FAM168A: variants seen among roughly 807,000 people sequenced by gnomAD.
FAM168A encodes family with sequence similarity 168 member A.
In FAM168A, 3 loss-of-function variants were observed where a neutral mutation model predicts 28.5. The observed-to-expected ratio is 0.11, with a 90% confidence interval of 0.05 to 0.27. The LOEUF (loss-of-function observed/expected upper bound fraction) is 0.27. Among genes scored for constraint, FAM168A ranks in the 10% least tolerant of loss-of-function variants. The pLI, the probability that FAM168A is intolerant of heterozygous loss-of-function variation, is 1.00. For synonymous variants in FAM168A, 122 were observed against 124.2 expected (o/e 0.98, Z 0.12); for missense variants, 222 against 311.5 (o/e 0.71, Z 2.16).
chr11:73,560,834 G>A (rs529416297), intron 1 of FAM168A, among the ~76,000 whole-genome samples: 9 of 150,756 alleles, frequency 6.0e-5, no homozygotes, highest in African/African-American at 9.7e-5. Flanking sequence ...AGGCCAAGGC[G>A]GGCACATAGC....
At chr11:73,488,531 G>A (rs1291726761) in intron 1 of FAM168A, among the ~76,000 whole-genome samples, 1 of 152,118 alleles carries the variant, frequency 6.6e-6, no homozygotes, top group African/African-American at 2.4e-5. Flanking sequence ...CTCTCAACTA[G>A]TGATTTTGCT....
chr11:73,426,565 CT>C (rs1866887419), intron 3 of FAM168A, among the ~76,000 whole-genome samples: 1 of 152,204 alleles, frequency 6.6e-6, no homozygotes, highest in Non-Finnish European at 1.5e-5. Context: ...CTACACTGTC[CT>C]TTCTGACCTT....
chr11:73,431,757 T>A (rs1398264370), intron 2 of FAM168A, among the ~76,000 whole-genome samples: 2 of 143,478 alleles, frequency 1.4e-5, no homozygotes, highest in Admixed American at 6.7e-5. Flanking sequence ...TTTTTTGAAA[T>A]TTTTTTTATC....
At chr11:73,480,396 CTTTT>C (rs909001692) in intron 1 of FAM168A, among the ~76,000 whole-genome samples, 4 of 129,614 alleles carry the variant, frequency 3.1e-5, no homozygotes, top group African/African-American at 1.1e-4. Flanking sequence ...CTCTCTCTCT[CTTTT>C]TTTTTTTAAG....
intron 2 of FAM168A, among the ~76,000 whole-genome samples, chr11:73,467,627 G>C (rs116313198): frequency 0.011 from 1,630 of 152,202 alleles, 33 homozygotes; most frequent in African/African-American, 0.038. Flanking sequence ...TAGTAAGAAC[G>C]AAGGCAGCCA....
chr11:73,429,572 A>T (rs1866948132), intron 3 of FAM168A, among the ~76,000 whole-genome samples: 4 of 152,114 alleles, frequency 2.6e-5, no homozygotes, highest in Admixed American at 2.6e-4. Flanking sequence ...CACATCTCTA[A>T]GCCTCTGCCC....
intron 2 of FAM168A, among the ~76,000 whole-genome samples, chr11:73,439,249 T>C (rs985006615): frequency 1.3e-5 from 2 of 152,158 alleles, no homozygotes; most frequent in African/African-American, 4.8e-5. Flanking sequence ...GTGTGAACTA[T>C]AATAAATGAG....
At position 73,404,189 on chromosome 11, in the gene FAM168A, CCTAGGT is replaced by C. The variant is rs1243002861; in HGVS notation, c.*2568_*2573del. 6.6e-6 allele frequency: 1 copy of C among 152,248 alleles called. No individual in the cohort carries two copies. The highest frequency in any genetic ancestry group is 1.5e-5 in the Non-Finnish European group (1 of 68,056). The allele number at this position is 152,248 out of a possible 1,614,324, so 9.4% of individuals were successfully genotyped here. A position where few individuals can be genotyped will look rare whatever the true frequency, so the allele number is the denominator to read the frequency against. On this transcript the variant is annotated 3_prime_UTR_variant, in exon 8 of 8. Transcript: ENST00000356467. ...AAAGAACAAAAGTTACAAGGTCATTCCTAGGTCTCCTCTTCTTCCTTTCTCCTCTCT... is the reference window on the plus strand; with the variant it reads ...AAAGAACAAAAGTTACAAGGTCATTCCTCCTCTTCTTCCTTTCTCCTCTCT...
At chr11:73,408,291 C>G (rs912387813) in intron 6 of FAM168A, among the ~76,000 whole-genome samples, 2 of 152,190 alleles carry the variant, frequency 1.3e-5, no homozygotes, top group Admixed American at 1.3e-4. Context: ...GTGTTCTGAT[C>G]TGATCTATTG....
At chr11:73,516,870 C>T (rs7126544) in intron 1 of FAM168A, among the ~76,000 whole-genome samples, 8,530 of 152,124 alleles carry the variant, frequency 0.056, 837 homozygotes, top group African/African-American at 0.2. Context: ...TTTCTATGTG[C>T]CTGCTCAATC....
chr11:73,535,420 T>C (rs1429821807), intron 1 of FAM168A, among the ~76,000 whole-genome samples: 1 of 91,386 alleles, frequency 1.1e-5, no homozygotes, highest in Non-Finnish European at 1.9e-5. Context: ...CTTTCTTTCT[T>C]TTTTTTTTTT....
chr11:73,520,295 G>T (rs201620099), intron 1 of FAM168A, among the ~76,000 whole-genome samples: 3 of 151,784 alleles, frequency 2.0e-5, no homozygotes, highest in African/African-American at 7.3e-5. Context: ...TGATCCACCC[G>T]CCTCAGCCTC....
intron 1 of FAM168A, among the ~76,000 whole-genome samples, chr11:73,504,570 T>C (rs568336114): frequency 2.0e-5 from 3 of 152,332 alleles, no homozygotes; most frequent in Admixed American, 6.5e-5. Flanking sequence ...GTAAATTAGT[T>C]CAACCATCGT....
intron 1 of FAM168A, among the ~76,000 whole-genome samples, chr11:73,475,868 C>T (rs1292171798): frequency 6.6e-6 from 1 of 152,110 alleles, no homozygotes; most frequent in African/African-American, 2.4e-5. Context: ...AAATCCAATG[C>T]CCAGAGTCAT....
At position 73,407,607 on chromosome 11, in the gene FAM168A, C is replaced by G; in HGVS notation, c.632G>C (p.Gly211Ala). ...TGTTGGCATGGAGACAGGGTGTGCC[C>G]CAATCGCCGTGTGCTGGGGTGTAGT... ...LLTTPQHTAI[G>A]AHPVSMPTYR... Residue 211 changes from glycine to alanine, a missense_variant, in exon 7 of 8, where the codon GGG (glycine) becomes GCG (alanine). By Grantham distance (60) the Gly-to-Ala change is moderately conservative (BLOSUM62 0). This residue lies in a region of FAM168A where 64 missense variants were observed against 94.6 expected (regional missense o/e 0.68). Coordinates refer to ENST00000356467, the MANE Select transcript of FAM168A (RefSeq NM_015159.3). 6.2e-7 allele frequency: 1 copy of G among 1,610,614 alleles called. No individual in the cohort carries two copies. Among genetic ancestry groups the G allele is most frequent in the South Asian group, 1.1e-5 (1 of 90,606 alleles).
Position 73,461,488 on chromosome 11 carries a change from G to A in FAM168A, c.70+6917C>T, listed in dbSNP as rs188907875. Among the ~76,000 whole-genome samples the A allele has an allele frequency of 2.7e-3, 409 of 152,262 alleles. 3 individuals carry two copies. Among genetic ancestry groups the A allele is most frequent in the African/African-American group, 9.4e-3 (392 of 41,536 alleles). On this transcript the variant is annotated intron_variant, in intron 2 of 7. Transcript: ENST00000356467. ...GGTTTCTCATCTAAGAACAGGGTTG[G>A]ATTTGATGGTCTCTAATCATCTTAT...
intron 4 of FAM168A, 60 bp from the exon 5 acceptor site, chr11:73,411,596 C>T (rs1866612094): frequency 6.3e-7 from 1 of 1,576,878 alleles, no homozygotes; most frequent in Non-Finnish European, 8.7e-7. Flanking sequence ...TGCTAGAAGG[C>T]AGCAGGTCCC....
chr11:73,503,256 C>T (rs766115050), intron 1 of FAM168A, among the ~76,000 whole-genome samples: 1 of 152,148 alleles, frequency 6.6e-6, no homozygotes, highest in African/African-American at 2.4e-5. Context: ...AAAACCCCAT[C>T]ATCTCAGCCC....
At chr11:73,566,451 A>G (rs1297139549) in intron 1 of FAM168A, among the ~76,000 whole-genome samples, 1 of 152,220 alleles carries the variant, frequency 6.6e-6, no homozygotes, top group Non-Finnish European at 1.5e-5. Flanking sequence ...CAATGGTTTT[A>G]GCAGCACCTA....
Sources: gnomAD v4.1 joint callset for allele counts (sites outside exome capture counted in the v4.1 genomes callset) on GRCh38, gnomAD v4.1.1 for gene constraint, gnomAD v4.1.1 regional missense constraint, MANE v1.5 for transcripts, NCBI Gene and HGNC (gene_info 2026-07-23, HGNC 2026-07-21) for gene names.